The following CBLB variants were observed in gnomAD, a reference collection of about 807,000 sequenced individuals.
CBLB encodes the protein E3 ubiquitin-protein ligase CBL-B.
In CBLB, 31 loss-of-function variants were observed where a neutral mutation model predicts 104.9. The ratio of observed to expected loss-of-function variants is 0.30; its 90% CI spans 0.22 to 0.40. The LOEUF is 0.40. Ranked by LOEUF, CBLB falls within the 10% of genes least tolerant of loss-of-function variation. The pLI is 1.00. For synonymous variants in CBLB, 440 were observed against 422.6 expected, an observed-to-expected ratio of 1.04 and a Z score of -0.51; for missense variants, 1,062 against 1,214.6, an observed-to-expected ratio of 0.87 and a Z score of 1.87.
intron 3 of CBLB, among the ~76,000 whole-genome samples, chr3:105,812,713 T>C (rs1354294067): frequency 6.6e-6 from 1 of 152,184 alleles, no homozygotes; most frequent in Non-Finnish European, 1.5e-5. Context: ...CAGGAAGATC[T>C]TATAGGTGAT....
intron 18 of CBLB, among the ~76,000 whole-genome samples, chr3:105,666,404 C>T (rs966177421): frequency 6.6e-6 from 1 of 152,072 alleles, no homozygotes; most frequent in Non-Finnish European, 1.5e-5. Context: ...AGAAATACTG[C>T]TGGCCACGCG....
chr3:105,788,931 T>C (rs1050301986), intron 3 of CBLB, among the ~76,000 whole-genome samples: 13 of 152,180 alleles, frequency 8.5e-5, no homozygotes, highest in African/African-American at 2.9e-4. Context: ...AGAAATCACG[T>C]AGAAAGACCC....
In CBLB at chr3:105,658,591, C is replaced by G. The variant is rs1388057773; in HGVS notation, c.*379G>C. On this transcript the variant is annotated 3_prime_UTR_variant, in exon 19 of 19. Coordinates refer to ENST00000394030, the MANE Select transcript of CBLB (RefSeq NM_170662.5). ...CAGACCTGACCACGCTACAAAGGGT[C>G]TGTGAAGAACACAGTACAGGTATCA... 6.4e-6 allele frequency: 2 copies of G among 313,550 alleles called. No individual in the cohort carries two copies. Among genetic ancestry groups the G allele is most frequent in the Non-Finnish European group, 1.2e-5 (2 of 166,930 alleles). 19.4% of individuals were successfully genotyped at this position (313,550 alleles called of 1,614,324 possible).
chr3:105,779,512 TAC>T (rs1167635240), intron 3 of CBLB, among the ~76,000 whole-genome samples: 2 of 150,526 alleles, frequency 1.3e-5, no homozygotes, highest in South Asian at 2.1e-4. Context: ...CATATATACA[TAC>T]ACATTCCAGA....
intron 3 of CBLB, among the ~76,000 whole-genome samples, chr3:105,823,393 A>T (rs2086146558): frequency 6.6e-6 from 1 of 152,124 alleles, no homozygotes; most frequent in Non-Finnish European, 1.5e-5. Flanking sequence ...AGACTGAACC[A>T]TTATTTCTCT....
intron 4 of CBLB, among the ~76,000 whole-genome samples, chr3:105,770,610 G>A (rs2078760060): frequency 6.6e-6 from 1 of 152,176 alleles, no homozygotes; most frequent in South Asian, 2.1e-4. Context: ...TGGGGAGGGA[G>A]GAGTTGCGGC....
chr3:105,762,905 C>G (rs1368022445), intron 4 of CBLB, among the ~76,000 whole-genome samples: 1 of 152,206 alleles, frequency 6.6e-6, no homozygotes. Flanking sequence ...TCAACATCAG[C>G]CCATGAAAGC....
chr3:105,750,688 C>T (rs1049881112), intron 5 of CBLB, among the ~76,000 whole-genome samples: 2 of 151,908 alleles, frequency 1.3e-5, no homozygotes, highest in Non-Finnish European at 2.9e-5. Flanking sequence ...TTAAGGCACG[C>T]AAAAGAAGAA....
chr3:105,707,225 G>C (rs773783902), intron 10 of CBLB, among the ~76,000 whole-genome samples: 3 of 152,178 alleles, frequency 2.0e-5, no homozygotes, highest in Non-Finnish European at 4.4e-5. Flanking sequence ...CTTTGTGAAT[G>C]TAATTGGAAG....
At chr3:105,697,150 T>C (rs1469442411) in intron 12 of CBLB, among the ~76,000 whole-genome samples, 2 of 151,958 alleles carry the variant, frequency 1.3e-5, no homozygotes, top group Non-Finnish European at 2.9e-5. Flanking sequence ...CCAGAGTGTC[T>C]TGAACATCCT....
At chr3:105,815,751 T>C (rs2084956332) in intron 3 of CBLB, among the ~76,000 whole-genome samples, 1 of 152,166 alleles carries the variant, frequency 6.6e-6, no homozygotes, top group Admixed American at 6.5e-5. Flanking sequence ...TGCACACATG[T>C]TTATTGCAGC....
rs188371961 is a variant in CBLB, at chr3:105,779,245, T to C, written c.420-2703A>G. On this transcript the variant is annotated intron_variant, in intron 3 of 18. Transcript: ENST00000394030. Reference sequence around the variant, plus strand: ...TTCTGGGTATCTGATCCACTGGCTATGCAGACACTAAACTTTAAAAGAAAC... The same window carrying C: ...TTCTGGGTATCTGATCCACTGGCTACGCAGACACTAAACTTTAAAAGAAAC... 8.5e-5 allele frequency among the ~76,000 whole-genome samples: 13 copies of C among 152,358 alleles called. No homozygotes were observed. The East Asian group carries it at 1.7e-3, about 20-fold the overall frequency.
intron 2 of CBLB, among the ~76,000 whole-genome samples, chr3:105,859,423 G>A (rs1319598232): frequency 2.6e-5 from 4 of 152,074 alleles, no homozygotes; most frequent in African/African-American, 9.7e-5. Flanking sequence ...AGGCCGAGGC[G>A]AGCGGATCAC....
intron 18 of CBLB, among the ~76,000 whole-genome samples, chr3:105,660,966 CTTT>C (rs35803625): frequency 1.2e-4 from 17 of 142,928 alleles, no homozygotes; most frequent in Admixed American, 1.4e-4. Context: ...ATGTCTTCTT[CTTT>C]TTTTTTTTTT....
chr3:105,676,071 A>G (rs1376720013), intron 17 of CBLB, among the ~76,000 whole-genome samples: 4 of 151,792 alleles, frequency 2.6e-5, no homozygotes, highest in Non-Finnish European at 4.4e-5. Flanking sequence ...CTATTAATGA[A>G]AGTCAAGAGA....
chr3:105,667,306 T>TAG (rs5851465), intron 18 of CBLB, among the ~76,000 whole-genome samples: 151,739 of 152,274 alleles, frequency 1, 75,606 homozygotes, highest in East Asian at 1. Flanking sequence ...TACAGCCTTT[T>TAG]AGTTTTCAAA....
At chr3:105,677,240 C>T (rs2065756481) in intron 17 of CBLB, among the ~76,000 whole-genome samples, 2 of 151,328 alleles carry the variant, frequency 1.3e-5, no homozygotes, top group South Asian at 2.1e-4. Context: ...GAAGATTATT[C>T]TTGAAAAATA....
At chr3:105,781,366 T>C (rs914952882) in intron 3 of CBLB, among the ~76,000 whole-genome samples, 1 of 152,186 alleles carries the variant, frequency 6.6e-6, no homozygotes, top group Admixed American at 6.5e-5. Flanking sequence ...CAGTTTAAGG[T>C]TGCTACGGTC....
At chr3:105,844,199 T>C (rs985512811) in intron 3 of CBLB, among the ~76,000 whole-genome samples, 4 of 152,170 alleles carry the variant, frequency 2.6e-5, no homozygotes, top group African/African-American at 4.8e-5. Context: ...AAATTACCTA[T>C]TCTAGAGGGT....
Sources: gnomAD v4.1 joint callset for allele counts (sites outside exome capture counted in the v4.1 genomes callset) on GRCh38, gnomAD v4.1.1 for gene constraint, MANE v1.5 for transcripts, NCBI Gene and HGNC (gene_info 2026-07-23, HGNC 2026-07-21) for gene names.